PRKG1: variants seen among roughly 807,000 people sequenced by gnomAD.
PRKG1 encodes the protein protein kinase cGMP-dependent 1.
PRKG1 carries 35 observed loss-of-function variants against 88.1 expected under a neutral mutation model. That is an observed-to-expected ratio of 0.40 (90% confidence interval 0.30 to 0.53). The LOEUF is 0.53. Among genes scored for constraint, PRKG1 ranks in the 20% least tolerant of loss-of-function variants. PRKG1 has a pLI of 0.59. For synonymous variants in PRKG1, 303 were observed against 292.5 expected, an observed-to-expected ratio of 1.04 and a Z score of -0.37; for missense variants, 540 against 839.8, an observed-to-expected ratio of 0.64 and a Z score of 4.41.
In PRKG1 at chr10:51,553,867, T is replaced by TGTGC. The variant is rs1191316723; in HGVS notation, c.592+86033_592+86034insGCGT. On this transcript the variant is annotated intron_variant, in intron 3 of 17. Transcript: ENST00000373980. ...GTATTAGATACGTGTATATAATATA[T>TGTGC]GTATGTATTAGATACGTGTATATAA... is the stretch of plus-strand genomic sequence containing the variant. Among the ~76,000 whole-genome samples the TGTGC allele has an allele frequency of 3.9e-4, 45 of 115,076 alleles. 2 individuals carry two copies. The highest frequency in any genetic ancestry group is 8.6e-4 in the African/African-American group (26 of 30,182). 75.5% of individuals were successfully genotyped at this position (115,076 alleles called of 152,430 possible).
At chr10:51,135,700 C>T (rs1373587376) in intron 1 of PRKG1, among the ~76,000 whole-genome samples, 3 of 151,718 alleles carry the variant, frequency 2.0e-5, no homozygotes, top group Non-Finnish European at 2.9e-5. Flanking sequence ...TGTGATTAAC[C>T]GTGCTGTAGA....
At chr10:52,078,506 A>T (rs552595205) in intron 7 of PRKG1, among the ~76,000 whole-genome samples, 2 of 152,206 alleles carry the variant, frequency 1.3e-5, no homozygotes, top group Non-Finnish European at 2.9e-5. Context: ...ACACTATTCC[A>T]TACACTACCA....
intron 2 of PRKG1, among the ~76,000 whole-genome samples, chr10:51,175,147 C>T (rs974223560): frequency 2.7e-5 from 4 of 150,638 alleles, no homozygotes; most frequent in African/African-American, 7.3e-5. Context: ...ATACTAACAA[C>T]GTAATAGCTA....
chr10:51,494,577 T>C (rs1840800726), intron 3 of PRKG1, among the ~76,000 whole-genome samples: 2 of 152,220 alleles, frequency 1.3e-5, no homozygotes, highest in South Asian at 4.1e-4. Context: ...CAAATGGAGA[T>C]AGCAAACATT....
intron 3 of PRKG1, among the ~76,000 whole-genome samples, chr10:51,766,172 G>A (rs10999344): frequency 0.11 from 16,779 of 152,084 alleles, 970 homozygotes; most frequent in African/African-American, 0.12. Context: ...AAAAAAGAAA[G>A]CTCCCCACTG....
At chr10:51,493,506 G>C (rs1840764608) in intron 3 of PRKG1, among the ~76,000 whole-genome samples, 1 of 152,048 alleles carries the variant, frequency 6.6e-6, no homozygotes, top group Non-Finnish European at 1.5e-5. Context: ...GCTATTGACT[G>C]ATTTTTTTAG....
intron 5 of PRKG1, among the ~76,000 whole-genome samples, chr10:51,996,314 C>CAAAAAAAA (rs59174399): frequency 3.3e-4 from 10 of 30,026 alleles, no homozygotes; most frequent in Non-Finnish European, 4.2e-4. Flanking sequence ...GACTCCATCT[C>CAAAAAAAA]AAAAAAAAAA....
rs540595879 is a variant in PRKG1, at chr10:51,515,037, T to C, written c.592+47201T>C. 1.1e-3 allele frequency among the ~76,000 whole-genome samples: 170 copies of C among 152,314 alleles called. 1 individual carries two copies. In the Middle Eastern group the frequency reaches 0.017, roughly 15 times the overall value. On this transcript the variant is annotated intron_variant, in intron 3 of 17. Coordinates refer to ENST00000373980, the MANE Select transcript of PRKG1 (RefSeq NM_006258.4). ...CAGTTGTGACAAGTAAAGTTGTCTCTAGATATTGGCAAATGCTTCCTGGGA... is the reference window on the plus strand; with the variant it reads ...CAGTTGTGACAAGTAAAGTTGTCTCCAGATATTGGCAAATGCTTCCTGGGA...
At chr10:51,605,880 C>T (rs1838751548) in intron 3 of PRKG1, among the ~76,000 whole-genome samples, 2 of 152,042 alleles carry the variant, frequency 1.3e-5, no homozygotes, top group Non-Finnish European at 2.9e-5. Flanking sequence ...AGTTTTTTAT[C>T]CTGGACAAAT....
intron 9 of PRKG1, among the ~76,000 whole-genome samples, chr10:52,241,441 CA>C (rs1178674579): frequency 6.6e-6 from 1 of 152,178 alleles, no homozygotes; most frequent in African/African-American, 2.4e-5. Flanking sequence ...ATATCTTGCA[CA>C]AGTTGGCCTG....
At chr10:51,338,945 T>C (rs1841941336) in intron 2 of PRKG1, among the ~76,000 whole-genome samples, 1 of 152,172 alleles carries the variant, frequency 6.6e-6, no homozygotes, top group African/African-American at 2.4e-5. Flanking sequence ...ATGATTGCCT[T>C]AAGAAATGAC....
rs184526343 is a variant in PRKG1 at position 51,178,023 on chromosome 10, A to C, written c.478+24693A>C. 1.2e-4 allele frequency among the ~76,000 whole-genome samples: 18 copies of C among 152,268 alleles called. No homozygotes were observed. In the East Asian group the frequency reaches 3.3e-3, roughly 28 times the overall value. On this transcript the variant is annotated intron_variant, in intron 2 of 17. Transcript: ENST00000373980. ...AAGTTTAAAATCATTTGCTTGTATC[A>C]TCATTGAGATATAGTATCATTTAGA...
At chr10:51,376,856 T>C (rs1842827826) in intron 2 of PRKG1, among the ~76,000 whole-genome samples, 1 of 152,264 alleles carries the variant, frequency 6.6e-6, no homozygotes, top group Middle Eastern at 3.4e-3. Context: ...GTATTTTTTT[T>C]AGTGGAGAAA....
At chr10:51,600,141 C>A (rs1838559892) in intron 3 of PRKG1, among the ~76,000 whole-genome samples, 2 of 152,116 alleles carry the variant, frequency 1.3e-5, no homozygotes, top group Non-Finnish European at 2.9e-5. Flanking sequence ...AGCTCCCCTT[C>A]TTTGTTTCAT....
At chr10:51,172,727 TG>T (rs1837077869) in intron 2 of PRKG1, among the ~76,000 whole-genome samples, 1 of 151,960 alleles carries the variant, frequency 6.6e-6, no homozygotes, top group African/African-American at 2.4e-5. Flanking sequence ...ATCATATGTG[TG>T]GAAAACTGCA....
At position 51,242,582 on chromosome 10, in the gene PRKG1, C is replaced by A. The variant is rs73337548; in HGVS notation, c.478+89252C>A. ...CGAGGTGAGTAAGATACAATCCCTG[C>A]CCTCAAGGCTCGCAGTCTAGGGGTA... On this transcript the variant is annotated intron_variant, in intron 2 of 17. Transcript: ENST00000373980. 6.8e-3 allele frequency among the ~76,000 whole-genome samples: 1,037 copies of A among 152,230 alleles called. 18 individuals are homozygous for A. Among genetic ancestry groups the A allele is most frequent in the African/African-American group, 0.024 (990 of 41,526 alleles).
intron 5 of PRKG1, among the ~76,000 whole-genome samples, chr10:51,992,263 T>G (rs1453945424): frequency 6.6e-6 from 1 of 152,142 alleles, no homozygotes; most frequent in Non-Finnish European, 1.5e-5. Flanking sequence ...GAAGTGTGAG[T>G]ATAGAAAATG....
intron 3 of PRKG1, among the ~76,000 whole-genome samples, chr10:51,801,398 A>T (rs924512722): frequency 2.6e-5 from 4 of 152,162 alleles, no homozygotes; most frequent in Non-Finnish European, 5.9e-5. Context: ...ATTCTTAGCC[A>T]GTAGACTGTA....
intron 7 of PRKG1, among the ~76,000 whole-genome samples, chr10:52,081,975 T>C (rs1265650133): frequency 6.6e-6 from 1 of 152,012 alleles, no homozygotes; most frequent in African/African-American, 2.4e-5. Flanking sequence ...CTGCCTGAGA[T>C]TGGGTAACTT....
Sources: allele counts gnomAD v4.1 joint callset (sites outside exome capture counted in the v4.1 genomes callset), GRCh38; gene constraint gnomAD v4.1.1; transcripts MANE v1.5; gene names NCBI Gene and HGNC (gene_info 2026-07-23, HGNC 2026-07-21).